MSH3: variants seen among roughly 807,000 people sequenced by gnomAD.
MSH3 encodes the protein mutS homolog 3.
Under a neutral mutation model 123.3 loss-of-function variants are expected in MSH3, and 106 were observed. The observed-to-expected ratio is 0.86, with a 90% CI of 0.73 to 1.01. MSH3 has a LOEUF of 1.01. MSH3 is among the 50% of genes least tolerant of loss of function. MSH3 has a pLI of 0.00. For missense variants in MSH3, 1,459 were observed against 1,347.6 expected, an observed-to-expected ratio of 1.08 and a Z score of -1.29; for synonymous variants, 515 against 481.4, an observed-to-expected ratio of 1.07 and a Z score of -0.91.
At chr5:80,660,760 T>G (rs1035537191) in intron 2 of MSH3, among the ~76,000 whole-genome samples, 5 of 152,148 alleles carry the variant, frequency 3.3e-5, no homozygotes, top group Non-Finnish European at 5.9e-5. Context: ...CTGCCCCATA[T>G]AATCTGCAGG....
intron 22 of MSH3, among the ~76,000 whole-genome samples, chr5:80,865,932 C>T (rs1022571665): frequency 5.3e-5 from 8 of 152,174 alleles, no homozygotes; most frequent in African/African-American, 1.9e-4. Flanking sequence ...CATAAATTCT[C>T]TTATGGAAGT....
Position 80,756,655 on chromosome 5 carries a change from A to G in MSH3, c.1764-4891A>G, listed in dbSNP as rs192554413. Among the ~76,000 whole-genome samples, 357 of 152,290 alleles carry G rather than the reference A, an allele frequency of 2.3e-3. 2 individuals carry two copies. The highest frequency in any genetic ancestry group is 4.1e-3 in the Admixed American group (63 of 15,286). ...ATCATAACCCAGTTATAATCTTATT[A>G]CATTGTTATCATTAATGCTTTTTAA... On this transcript the variant is annotated intron_variant, in intron 12 of 23. Coordinates refer to ENST00000265081, the MANE Select transcript of MSH3 (RefSeq NM_002439.5).
chr5:80,857,046 A>G (rs550626869), intron 21 of MSH3, among the ~76,000 whole-genome samples: 1 of 152,330 alleles, frequency 6.6e-6, no homozygotes, highest in Admixed American at 6.5e-5. Context: ...GTTTGTGGAT[A>G]TTCCTTACCA....
chr5:80,825,489 A>G (rs1412082739), intron 20 of MSH3, among the ~76,000 whole-genome samples: 1 of 152,094 alleles, frequency 6.6e-6, no homozygotes, highest in African/African-American at 2.4e-5. Flanking sequence ...ATATATTACT[A>G]TTCCCTCATT....
rs1554066082 is a variant in MSH3 at position 80,654,908 on chromosome 5, G to GCAGCGCCCGCAGCGCCCC, written c.189_190insGCAGCGCCCCCAGCGCCC (p.Pro63_Pro64insAlaAlaProProAlaPro). ...AGCGGCTGCAGCGGCCGCAGCGGCC[G>GCAGCGCCCGCAGCGCCCC]CAGCGCCCCCAGCGCCCCCAGCTCC... On this transcript the variant is annotated inframe_insertion, in exon 1 of 24. Coordinates refer to ENST00000265081, the MANE Select transcript of MSH3 (RefSeq NM_002439.5). The GCAGCGCCCGCAGCGCCCC allele has an allele frequency of 1.2e-4, 184 of 1,539,226 alleles. No individual in the cohort carries two copies. The highest frequency in any genetic ancestry group is 1.1e-3 in the East Asian group (43 of 39,304).
At chr5:80,824,419 G>A (rs560882637) in intron 20 of MSH3, among the ~76,000 whole-genome samples, 17 of 150,762 alleles carry the variant, frequency 1.1e-4, no homozygotes, top group South Asian at 4.2e-4. Context: ...CCTCCCAGAC[G>A]GGGCGGCTGG....
At chr5:80,871,863 G>A (rs1026389878) in intron 22 of MSH3, among the ~76,000 whole-genome samples, 1 of 152,096 alleles carries the variant, frequency 6.6e-6, no homozygotes, top group African/African-American at 2.4e-5. Context: ...GTCTTTGGTG[G>A]CCATCTTAGA....
At chr5:80,778,195 T>C (rs1398520475) in intron 16 of MSH3, among the ~76,000 whole-genome samples, 1 of 152,212 alleles carries the variant, frequency 6.6e-6, no homozygotes, top group African/African-American at 2.4e-5. Context: ...AGAGCCACTG[T>C]GAATCTGCAC....
intron 8 of MSH3, among the ~76,000 whole-genome samples, chr5:80,719,098 A>C (rs941351477): frequency 2.7e-5 from 4 of 149,280 alleles, no homozygotes; most frequent in East Asian, 2.0e-4. Context: ...GCCAGGCTGG[A>C]GTACAGTGGT....
chr5:80,700,210 T>C (rs1750576300), intron 8 of MSH3, among the ~76,000 whole-genome samples: 1 of 152,132 alleles, frequency 6.6e-6, no homozygotes, highest in African/African-American at 2.4e-5. Flanking sequence ...TGAAACCTCA[T>C]CTCTACTAAA....
Position 80,873,075 on chromosome 5 carries a change from G to A in MSH3, c.3131-41G>A, listed in dbSNP as rs375522597. ...CTTTTTAATCCTCTAATTTATTTCA[G>A]CTTTCAGGCACAGTTTTGATCTCCT... On this transcript the variant is annotated intron_variant, in intron 22 of 23. Transcript: ENST00000265081. 399 of 1,559,664 alleles carry A rather than the reference G, an allele frequency of 2.6e-4. 1 individual carries two copies. The South Asian group carries it at 4.2e-3, about 16-fold the overall frequency.
rs753735186 is a variant in MSH3, at chr5:80,654,706, G to A, written c.-22G>A. ...GCGCTCCTCGCCAGGCCCTGCCGCC[G>A]GGCTGCCATCCTTGCCCTGCCATGT... On this transcript the variant is annotated 5_prime_UTR_variant, in exon 1 of 24. Coordinates refer to ENST00000265081, the MANE Select transcript of MSH3 (RefSeq NM_002439.5). 3 of 1,581,668 alleles carry A rather than the reference G, an allele frequency of 1.9e-6. No individual in the cohort carries two copies. The highest frequency in any genetic ancestry group is 1.4e-5 in the African/African-American group (1 of 71,410).
At chr5:80,806,304 A>G (rs572348585) in intron 19 of MSH3, among the ~76,000 whole-genome samples, 20 of 151,924 alleles carry the variant, frequency 1.3e-4, no homozygotes, top group Non-Finnish European at 2.2e-4. Flanking sequence ...CTCCATGTTG[A>G]TAGGCTGCTC....
chr5:80,689,724 T>G (rs1005601530), intron 8 of MSH3, among the ~76,000 whole-genome samples: 5 of 151,974 alleles, frequency 3.3e-5, no homozygotes, highest in Admixed American at 3.3e-4. Context: ...TCTTTTTTTT[T>G]TTTTTTGATC....
chr5:80,756,744 T>G (rs982933741), intron 12 of MSH3, among the ~76,000 whole-genome samples: 1 of 152,196 alleles, frequency 6.6e-6, no homozygotes, highest in African/African-American at 2.4e-5. Flanking sequence ...CTGTTAACAA[T>G]TATAGCCCTA....
At chr5:80,744,696 A>T in intron 12 of MSH3, 81 bp downstream of exon 12, 2 of 987,982 alleles carry the variant, frequency 2.0e-6, no homozygotes, top group Non-Finnish European at 3.2e-6. Context: ...CAAGGTTACC[A>T]TTGTTTTTAA....
At chr5:80,831,942 A>T (rs1745425643) in intron 20 of MSH3, among the ~76,000 whole-genome samples, 1 of 151,648 alleles carries the variant, frequency 6.6e-6, no homozygotes, top group African/African-American at 2.4e-5. Flanking sequence ...CCCTGTCTCT[A>T]CTAAAAATAC....
chr5:80,664,739 C>T (rs1749525838), intron 2 of MSH3, among the ~76,000 whole-genome samples: 1 of 152,058 alleles, frequency 6.6e-6, no homozygotes, highest in African/African-American at 2.4e-5. Context: ...AGAGTTGGCT[C>T]TTGGTTTTCC....
intron 8 of MSH3, among the ~76,000 whole-genome samples, chr5:80,690,138 C>T (rs1030635692): frequency 6.6e-6 from 1 of 151,998 alleles, no homozygotes; most frequent in African/African-American, 2.4e-5. Context: ...AGGCTGGTCT[C>T]GAACTTCTGG....
Sources: allele counts gnomAD v4.1 joint callset (sites outside exome capture counted in the v4.1 genomes callset), GRCh38; gene constraint gnomAD v4.1.1; transcripts MANE v1.5; gene names NCBI Gene and HGNC (gene_info 2026-07-23, HGNC 2026-07-21).